Variants in GRID2IP observed in about 807,000 individuals in gnomAD.
GRID2IP encodes Grid2 interacting protein, also known as delphilin.
In GRID2IP, 78 loss-of-function variants were observed where a neutral mutation model predicts 114.3. That is an observed-to-expected ratio of 0.68 (90% CI 0.57 to 0.82). The LOEUF is 0.82. Among genes scored for constraint, GRID2IP ranks in the 40% least tolerant of loss-of-function variants. GRID2IP has a pLI of 0.00. For missense variants in GRID2IP, 1,727 were observed against 1,678.5 expected, an observed-to-expected ratio of 1.03 and a Z score of -0.51; for synonymous variants, 809 against 724.0, an observed-to-expected ratio of 1.12 and a Z score of -1.89.
Position 6,508,807 on chromosome 7 carries a change from A to G in GRID2IP, c.2127+151T>C. 8.0e-7 allele frequency: 1 copy of G among 1,248,644 alleles called. No homozygotes were observed. Among genetic ancestry groups the G allele is most frequent in the Non-Finnish European group, 1.1e-6 (1 of 929,472 alleles). 77.3% of individuals were successfully genotyped at this position (1,248,644 alleles called of 1,614,324 possible). A position where few individuals can be genotyped will look rare whatever the true frequency, so the allele number is the denominator to read the frequency against. On this transcript the variant is annotated intron_variant, in intron 12 of 21. Transcript: ENST00000457091. This position sits in a 1 kb window ranked among gnomAD's most constrained non-coding sequence, Gnocchi z 5.6. ...ACAGGAGATAGGGTAACCTGGGGCA[A>G]GGGGTGGGATAGCTTGAGCTAGGGA...
At position 6,509,096 on chromosome 7, in the gene GRID2IP, G is replaced by A. The variant is rs1212309593; in HGVS notation, c.1989C>T (p.Ser663=). Residue 663 remains serine (S), a synonymous_variant, in exon 12 of 22, where the codon AGC becomes AGT. Transcript: ENST00000457091. The surrounding 1 kb of genome is among the most constrained non-coding windows in gnomAD (Gnocchi z 4.9). Reference sequence around the variant, plus strand: ...GGGAGAAGGTGAAGAGCTTCCTGCGGCTGGGCGGGCGGGTGGGGTCCGGGC... The same window carrying A: ...GGGAGAAGGTGAAGAGCTTCCTGCGACTGGGCGGGCGGGTGGGGTCCGGGC... ...PPSPDPTRPP[S]RRKLFTFSHP... is the part of the protein sequence containing the mutation. 4 of 1,480,186 alleles carry A rather than the reference G, an allele frequency of 2.7e-6. No homozygotes were observed. Among genetic ancestry groups the A allele is most frequent in the African/African-American group, 1.4e-5 (1 of 71,174 alleles). The allele number at this position is 1,480,186 out of a possible 1,614,324, so 91.7% of individuals were successfully genotyped here.
chr7:6,544,254 T>C (rs1343290448), intron 1 of GRID2IP, among the ~76,000 whole-genome samples: 1 of 151,692 alleles, frequency 6.6e-6, no homozygotes, highest in Non-Finnish European at 1.5e-5. Flanking sequence ...CAATGACTGG[T>C]AAATGCATGG....
Position 6,536,840 on chromosome 7 carries a change from CTCA to C in GRID2IP, c.584+2875_584+2877del, listed in dbSNP as rs1408901868. On this transcript the variant is annotated intron_variant, in intron 2 of 21. Transcript: ENST00000457091. The surrounding 1 kb of genome is among the most constrained non-coding windows in gnomAD (Gnocchi z 5.3). ...CTCACCCCTTACTCACCCCAGGCAGCTCATGGTGGCCTCTTTCGGTGGTGGTCG... is the reference window on the plus strand; with the variant it reads ...CTCACCCCTTACTCACCCCAGGCAGCTGGTGGCCTCTTTCGGTGGTGGTCG... 1.5e-6 allele frequency: 1 copy of C among 659,074 alleles called. No homozygotes were observed. The highest frequency in any genetic ancestry group is 1.8e-5 in the African/African-American group (1 of 55,388). The allele number at this position is 659,074 out of a possible 1,614,324, so 40.8% of individuals were successfully genotyped here.
intron 1 of GRID2IP, among the ~76,000 whole-genome samples, chr7:6,540,446 C>T (rs117637251): frequency 2.0e-5 from 3 of 151,788 alleles, no homozygotes; most frequent in African/African-American, 4.8e-5. Flanking sequence ...ATCTGCCCTG[C>T]GAAGAGGGCC....
rs1271741842 is a variant in GRID2IP, at chr7:6,510,279, C to T, written c.1771+4G>A. ...ACAGTAGATGACAGAGGCTGGAGCC[C>T]TACCTGTGGTGACTGCTGGGCTGGG... is the stretch of plus-strand genomic sequence containing the variant. On this transcript the variant is annotated splice_donor_region_variant and intron_variant, in intron 11 of 21. Transcript: ENST00000457091. 2.0e-6 allele frequency: 3 copies of T among 1,531,494 alleles called. No homozygotes were observed. The highest frequency in any genetic ancestry group is 1.8e-6 in the Non-Finnish European group (2 of 1,133,964). 94.9% of individuals were successfully genotyped at this position (1,531,494 alleles called of 1,614,324 possible).
chr7:6,502,396 T>C (rs1786441446), intron 18 of GRID2IP, among the ~76,000 whole-genome samples: 1 of 152,108 alleles, frequency 6.6e-6, no homozygotes. Flanking sequence ...TAATTATTTT[T>C]GTAGAACTGG....
rs1166255139 is a variant in GRID2IP at position 6,497,956 on chromosome 7, C to T, written c.3564+108G>A. On this transcript the variant is annotated intron_variant, in intron 21 of 21. Transcript: ENST00000457091. ...CCATCAGGGGGTTAGGGGGACATGTCGCTCACTGGAGCCCCTTTCCCAGCC... is the reference window on the plus strand; with the variant it reads ...CCATCAGGGGGTTAGGGGGACATGTTGCTCACTGGAGCCCCTTTCCCAGCC... The T allele has an allele frequency of 1.6e-5, 22 of 1,399,432 alleles. 1 individual carries two copies. In the Admixed American group the frequency reaches 1.6e-4, roughly 10 times the overall value. 86.7% of individuals were successfully genotyped at this position (1,399,432 alleles called of 1,614,324 possible). A position where few individuals can be genotyped will look rare whatever the true frequency, so the allele number is the denominator to read the frequency against.
rs145915733 is a variant in GRID2IP at position 6,520,847 on chromosome 7, C to T, written c.1085-86G>A. ...CTCCCTGGCTTTTGAGGTCAGGAGA[C>T]CTCCTGAGCTGGGGTGTGGCTGTCC... On this transcript the variant is annotated intron_variant, in intron 6 of 21. Transcript: ENST00000457091. The surrounding 1 kb of genome is among the most constrained non-coding windows in gnomAD (Gnocchi z 4.6). The T allele has an allele frequency of 1.9e-5, 24 of 1,285,532 alleles. No homozygotes were observed. In the African/African-American group the frequency reaches 3.1e-4, roughly 17 times the overall value. 79.6% of individuals were successfully genotyped at this position (1,285,532 alleles called of 1,614,324 possible).
Position 6,508,973 on chromosome 7 carries a change from C to G in GRID2IP, c.2112G>C (p.Glu704Asp), listed in dbSNP as rs755593947. Reference sequence around the variant, plus strand: ...GCGTGCCCACCTCCTCGTAGTCGTTCTCCGGGGTCAGGAAATCATCCACGA... The same window carrying G: ...GCGTGCCCACCTCCTCGTAGTCGTTGTCCGGGGTCAGGAAATCATCCACGA... ...VTIVDDFLTP[E>D]NDYEEMSFHD... is the part of the protein sequence containing the mutation. The change falls in exon 12 of 22, where the codon GAG becomes GAC. Residue 704 changes from glutamate to aspartate, a missense_variant. Physicochemically the swap from Glu to Asp is conservative, Grantham distance 45 (BLOSUM62 2). Coordinates refer to ENST00000457091, the MANE Select transcript of GRID2IP (RefSeq NM_001145118.2). The surrounding 1 kb of genome is among the most constrained non-coding windows in gnomAD (Gnocchi z 5.6). 94 of 1,547,460 alleles carry G rather than the reference C, an allele frequency of 6.1e-5. No individual in the cohort carries two copies. The highest frequency in any genetic ancestry group is 7.2e-5 in the Non-Finnish European group (82 of 1,146,702).
At chr7:6,540,381 G>C (rs926937273) in intron 1 of GRID2IP, among the ~76,000 whole-genome samples, 1 of 152,002 alleles carries the variant, frequency 6.6e-6, no homozygotes, top group Non-Finnish European at 1.5e-5. Flanking sequence ...CAAGGTGCTG[G>C]GATTACAAGC....
intron 7 of GRID2IP, among the ~76,000 whole-genome samples, chr7:6,518,264 C>T (rs1223193193): frequency 6.6e-6 from 1 of 151,964 alleles, no homozygotes; most frequent in Admixed American, 6.6e-5. Flanking sequence ...CAAGAAACTT[C>T]ATGCCAGTCA....
intron 1 of GRID2IP, among the ~76,000 whole-genome samples, chr7:6,546,237 C>G (rs551301056): frequency 8.0e-5 from 12 of 150,922 alleles, no homozygotes; most frequent in African/African-American, 2.7e-4. Flanking sequence ...GCAGGTGGAT[C>G]ACCTGAGGTC....
chr7:6,536,713 C>G lies in GRID2IP; in HGVS notation c.584+3005G>C. On this transcript the variant is annotated intron_variant, in intron 2 of 21. Coordinates refer to ENST00000457091, the MANE Select transcript of GRID2IP (RefSeq NM_001145118.2). This position sits in a 1 kb window ranked among gnomAD's most constrained non-coding sequence, Gnocchi z 5.3. ...CGGGGGGCTGCCTGTCAATCAGCTCCCCAGGAAGCGCTCAGAGCCAGCGCA... is the reference window on the plus strand; with the variant it reads ...CGGGGGGCTGCCTGTCAATCAGCTCGCCAGGAAGCGCTCAGAGCCAGCGCA... 1.5e-6 allele frequency: 1 copy of G among 684,036 alleles called. No homozygotes were observed. The highest frequency in any genetic ancestry group is 1.5e-5 in the South Asian group (1 of 66,796). 42.4% of individuals were successfully genotyped at this position (684,036 alleles called of 1,614,324 possible).
Position 6,539,728 on chromosome 7 carries a change from C to G in GRID2IP, c.574G>C (p.Asp192His), listed in dbSNP as rs778107906. 1.0e-5 allele frequency: 16 copies of G among 1,548,926 alleles called. No individual in the cohort carries two copies. In the African/African-American group the frequency reaches 2.1e-4, roughly 20 times the overall value. The change falls in exon 2 of 22, where the codon GAC becomes CAC. Residue 192 changes from aspartate (D) to histidine (H), a missense_variant. By Grantham distance (81) the Asp-to-His change is moderately conservative (BLOSUM62 -1). Coordinates refer to ENST00000457091, the MANE Select transcript of GRID2IP (RefSeq NM_001145118.2). The part of the protein sequence containing the change: ...LPREACGPLL[D>H]NLRIFIPKKH... Reference sequence around the variant, plus strand: ...CCCTGCCCGCAGTACCTGAGGTTGTCCAGGAGTGGCCCGCAGGCCTCTCGG... The same window carrying G: ...CCCTGCCCGCAGTACCTGAGGTTGTGCAGGAGTGGCCCGCAGGCCTCTCGG...
Position 6,503,530 on chromosome 7 carries a change from C to T in GRID2IP, c.2868G>A (p.Ala956=), listed in dbSNP as rs1193738610. ...GGTCCGGCTCGCTGAGGCGGCCGGG[C>T]GCCTCGCGGAAGGCCTGGTAGCGCT... is the stretch of plus-strand genomic sequence containing the variant. ...EEQRYQAFRE[A]PGRLSEPDQF... Residue 956 remains alanine (A), a synonymous_variant, in exon 16 of 22, where the codon GCG becomes GCA. Coordinates refer to ENST00000457091, the MANE Select transcript of GRID2IP (RefSeq NM_001145118.2). 5 of 1,525,660 alleles carry T rather than the reference C, an allele frequency of 3.3e-6. No individual in the cohort carries two copies. The highest frequency in any genetic ancestry group is 4.4e-6 in the Non-Finnish European group (5 of 1,143,112). The allele number at this position is 1,525,660 out of a possible 1,614,324, so 94.5% of individuals were successfully genotyped here. A position where few individuals can be genotyped will look rare whatever the true frequency, so the allele number is the denominator to read the frequency against.
Position 6,509,387 on chromosome 7 carries a change from T to A in GRID2IP, c.1772-74A>T. 1 of 1,323,372 alleles carries A rather than the reference T, an allele frequency of 7.6e-7. No homozygotes were observed. Among genetic ancestry groups the A allele is most frequent in the East Asian group, 2.8e-5 (1 of 36,290 alleles). The allele number at this position is 1,323,372 out of a possible 1,614,324, so 82.0% of individuals were successfully genotyped here. On this transcript the variant is annotated intron_variant, in intron 11 of 21. Coordinates refer to ENST00000457091, the MANE Select transcript of GRID2IP (RefSeq NM_001145118.2). This position sits in a 1 kb window ranked among gnomAD's most constrained non-coding sequence, Gnocchi z 4.9. ...TTCCAGGTGCAAGCTGGAGAGAGGGTCCTAGGACAGACTGGCTCTGTGTCC... is the reference window on the plus strand; with the variant it reads ...TTCCAGGTGCAAGCTGGAGAGAGGGACCTAGGACAGACTGGCTCTGTGTCC...
rs1453025544 is a variant in GRID2IP, at chr7:6,506,044, G to A, written c.2545-137C>T. On this transcript the variant is annotated intron_variant, in intron 13 of 21. Transcript: ENST00000457091. This position sits in a 1 kb window ranked among gnomAD's most constrained non-coding sequence, Gnocchi z 5.2. ...ATCAGGTGCTGGGATAAAGCCCGGA[G>A]CAGGAGGAGACTGCAGGAGAAGCCA... is the stretch of plus-strand genomic sequence containing the variant. 3.8e-5 allele frequency: 24 copies of A among 633,890 alleles called. No homozygotes were observed. Among genetic ancestry groups the A allele is most frequent in the Non-Finnish European group, 6.4e-5 (23 of 358,176 alleles). 39.3% of individuals were successfully genotyped at this position (633,890 alleles called of 1,614,324 possible). A position where few individuals can be genotyped will look rare whatever the true frequency, so the allele number is the denominator to read the frequency against.
intron 1 of GRID2IP, among the ~76,000 whole-genome samples, chr7:6,542,423 G>A (rs1779828296): frequency 1.3e-5 from 2 of 152,236 alleles, no homozygotes; most frequent in South Asian, 4.1e-4. Context: ...GGAGATCGAG[G>A]CAGGAGGATT....
intron 1 of GRID2IP, among the ~76,000 whole-genome samples, chr7:6,547,451 G>A (rs1417285223): frequency 6.6e-6 from 1 of 152,018 alleles, no homozygotes; most frequent in Non-Finnish European, 1.5e-5. Context: ...GAGAGGCTGA[G>A]GCAGGAGGAT....
Sources: gnomAD v4.1 joint callset for allele counts (sites outside exome capture counted in the v4.1 genomes callset) on GRCh38, gnomAD v4.1.1 for gene constraint, Gnocchi (gnomAD v3.1) non-coding constraint, MANE v1.5 for transcripts, NCBI Gene and HGNC (gene_info 2026-07-23, HGNC 2026-07-21) for gene names.